COPZ1: variants seen among roughly 807,000 people sequenced by gnomAD.
COPZ1 encodes coatomer subunit zeta-1.
A neutral mutation model predicts 31.7 loss-of-function variants in COPZ1; 4 were observed. The ratio of observed to expected loss-of-function variants is 0.13; its 90% CI spans 0.06 to 0.29. The LOEUF (loss-of-function observed/expected upper bound fraction) is 0.29. Ranked by LOEUF, COPZ1 falls within the 10% of genes least tolerant of loss-of-function variation. COPZ1 has a pLI of 1.00. For synonymous variants in COPZ1, 74 were observed against 79.0 expected (o/e 0.94, Z 0.33); for missense variants, 156 against 211.5 (o/e 0.74, Z 1.63).
chr12:54,348,741 A>T lies in COPZ1; in HGVS notation c.447+690A>T, dbSNP rs186603635. ...GACAGAGTGAGACTCTGTCTCAAAA[A>T]AAATAAATAAATAAAATAATAATAA... On this transcript the variant is annotated intron_variant, in intron 7 of 8. Transcript: ENST00000262061. Among the ~76,000 whole-genome samples, 62 of 152,244 alleles carry T rather than the reference A, an allele frequency of 4.1e-4. No individual in the cohort carries two copies. In the East Asian group the frequency reaches 8.1e-3, roughly 20 times the overall value.
chr12:54,346,594 G>T lies in COPZ1; in HGVS notation c.317+1079G>T, dbSNP rs141864129. 9.9e-4 allele frequency: 695 copies of T among 700,684 alleles called. 4 individuals carry two copies. The African/African-American group carries it at 0.01, about 10-fold the overall frequency. The allele number at this position is 700,684 out of a possible 1,614,324, so 43.4% of individuals were successfully genotyped here. A position where few individuals can be genotyped will look rare whatever the true frequency, so the allele number is the denominator to read the frequency against. On this transcript the variant is annotated intron_variant, in intron 5 of 8. Transcript: ENST00000262061. The stretch of plus-strand genomic sequence containing the variant: ...AGTTTTTTTTTGACTTCTAGTCCTT[G>T]TTTTTTCCCTTCTGTAGAACAGGAA...
At chr12:54,345,612 C>T in intron 5 of COPZ1, 97 bp downstream of exon 5, 1 of 988,962 alleles carries the variant, frequency 1.0e-6, no homozygotes, top group Non-Finnish European at 1.6e-6. Flanking sequence ...ATTCTTCAGG[C>T]CCAGGGATTG....
chr12:54,343,017 C>T (rs949119306), intron 3 of COPZ1, among the ~76,000 whole-genome samples: 8 of 151,896 alleles, frequency 5.3e-5, no homozygotes, highest in Admixed American at 1.3e-4. Flanking sequence ...CCACCACGCC[C>T]GGCTAATTTT....
At chr12:54,333,537 C>G (rs1476215484) in intron 1 of COPZ1, among the ~76,000 whole-genome samples, 1 of 152,018 alleles carries the variant, frequency 6.6e-6, no homozygotes, top group Non-Finnish European at 1.5e-5. Flanking sequence ...AATGGCTGAT[C>G]CCCATTATAG....
chr12:54,349,500 C>G, intron 7 of COPZ1, 120 bp from the exon 8 acceptor site: 1 of 824,808 alleles, frequency 1.2e-6, no homozygotes, highest in South Asian at 1.4e-5. Context: ...CTGAGAAGTT[C>G]AGTGCATCTG....
chr12:54,342,126 TC>T lies in COPZ1; in HGVS notation c.88-77del, dbSNP rs1223455861. ...TGCCTTGAAGGAGAGAAATCCAAGA[TC>T]CCAGGGCAAAACATAGTCACTAATC... On this transcript the variant is annotated intron_variant, in intron 2 of 8. Coordinates refer to ENST00000262061, the MANE Select transcript of COPZ1 (RefSeq NM_016057.3). 4.0e-6 allele frequency: 4 copies of T among 1,011,612 alleles called. No individual in the cohort carries two copies. The East Asian group carries it at 9.5e-5, about 24-fold the overall frequency. 62.7% of individuals were successfully genotyped at this position (1,011,612 alleles called of 1,614,324 possible).
chr12:54,351,151 G>T lies in COPZ1; in HGVS notation c.*628G>T. 6.5e-6 allele frequency: 1 copy of T among 154,590 alleles called. No homozygotes were observed. Among genetic ancestry groups the T allele is most frequent in the Non-Finnish European group, 1.4e-5 (1 of 69,428 alleles). 9.6% of individuals were successfully genotyped at this position (154,590 alleles called of 1,614,324 possible). On this transcript the variant is annotated 3_prime_UTR_variant, in exon 9 of 9. Transcript: ENST00000262061. ...CAGCGATTTAAATTGTATTGAACAG[G>T]GCATATAAAATGCATTCTGTACCCT...
intron 1 of COPZ1, among the ~76,000 whole-genome samples, chr12:54,326,453 G>A (rs1165091910): frequency 2.0e-5 from 3 of 146,742 alleles, no homozygotes; most frequent in Non-Finnish European, 4.5e-5. Flanking sequence ...AATTCTTATT[G>A]TATGATCTAG....
At chr12:54,328,841 A>G (rs1953705898) in intron 1 of COPZ1, among the ~76,000 whole-genome samples, 1 of 152,176 alleles carries the variant, frequency 6.6e-6, no homozygotes, top group African/African-American at 2.4e-5. Flanking sequence ...TAACTCTACA[A>G]GGTACATACA....
intron 1 of COPZ1, among the ~76,000 whole-genome samples, chr12:54,339,906 A>C (rs1344462745): frequency 1.3e-5 from 2 of 152,032 alleles, no homozygotes. Context: ...GTATAGTGGA[A>C]GAATTGGAGA....
chr12:54,325,341 T>C, intron 1 of COPZ1, 160 bp downstream of exon 1: 1 of 1,005,218 alleles, frequency 9.9e-7, no homozygotes, highest in Non-Finnish European at 1.4e-6. Context: ...GTGTAGGAGC[T>C]AAAGCCTTGG....
In COPZ1 at chr12:54,348,200, C is replaced by A. The variant is rs189622709; in HGVS notation, c.447+149C>A. 21 of 664,524 alleles carry A rather than the reference C, an allele frequency of 3.2e-5. No individual in the cohort carries two copies. In the East Asian group the frequency reaches 4.6e-4, roughly 15 times the overall value. The allele number at this position is 664,524 out of a possible 1,614,324, so 41.2% of individuals were successfully genotyped here. ...CAAATACATTCAGCCTTTCTCTTCC[C>A]TTCTCTTCTTATTGTCCCAAAGAAA... On this transcript the variant is annotated intron_variant, in intron 7 of 8. Transcript: ENST00000262061.
intron 5 of COPZ1, among the ~76,000 whole-genome samples, chr12:54,347,246 G>C (rs946914239): frequency 2.0e-5 from 3 of 152,246 alleles, no homozygotes; most frequent in Admixed American, 2.0e-4. Flanking sequence ...TCTGAGGCTG[G>C]TGTATGCAGA....
At chr12:54,332,079 C>T (rs1339985969) in intron 1 of COPZ1, among the ~76,000 whole-genome samples, 1 of 152,194 alleles carries the variant, frequency 6.6e-6, no homozygotes, top group South Asian at 2.1e-4. Context: ...TAATCCAGCA[C>T]TTTGGGAGGC....
intron 1 of COPZ1, among the ~76,000 whole-genome samples, chr12:54,325,869 G>C (rs1213204245): frequency 6.8e-6 from 1 of 146,128 alleles, no homozygotes; most frequent in Non-Finnish European, 1.5e-5. Context: ...AGGCTGGAGT[G>C]CGCACGTGGC....
At chr12:54,342,918 G>A (rs1485334184) in intron 3 of COPZ1, among the ~76,000 whole-genome samples, 7 of 146,558 alleles carry the variant, frequency 4.8e-5, no homozygotes, top group Admixed American at 1.4e-4. Context: ...GTACAGTGGC[G>A]AGATCTCGGC....
chr12:54,335,271 C>T (rs912108248), intron 1 of COPZ1, among the ~76,000 whole-genome samples: 1 of 151,604 alleles, frequency 6.6e-6, no homozygotes, highest in Non-Finnish European at 1.5e-5. Flanking sequence ...GGAATTTCTC[C>T]TTCTAGTTTT....
At chr12:54,346,938 C>G (rs1954074103) in intron 5 of COPZ1, among the ~76,000 whole-genome samples, 1 of 152,178 alleles carries the variant, frequency 6.6e-6, no homozygotes, top group African/African-American at 2.4e-5. Context: ...GCCCTCTGTT[C>G]TCTGTTACCC....
At chr12:54,336,536 C>CAA (rs141482853) in intron 1 of COPZ1, among the ~76,000 whole-genome samples, 103 of 133,802 alleles carry the variant, frequency 7.7e-4, no homozygotes, top group African/African-American at 2.8e-3. Flanking sequence ...GACTCCGTCT[C>CAA]AAAAAAAAAA....
Sources: gnomAD v4.1 joint callset for allele counts (sites outside exome capture counted in the v4.1 genomes callset) on GRCh38, gnomAD v4.1.1 for gene constraint, MANE v1.5 for transcripts, NCBI Gene and HGNC (gene_info 2026-07-23, HGNC 2026-07-21) for gene names.